Variants in C8orf34 observed in about 807,000 individuals in gnomAD.
The protein encoded by C8orf34 is uncharacterized protein C8orf34.
In C8orf34, 65 loss-of-function variants were observed where a neutral mutation model predicts 68.3. That is an observed-to-expected ratio of 0.95 (90% confidence interval 0.78 to 1.17). The LOEUF (loss-of-function observed/expected upper bound fraction) is 1.17, where lower values mean the gene tolerates loss of function less well. C8orf34 is among the 50% of genes most tolerant of loss of function. C8orf34 has a pLI of 0.00. For synonymous variants in C8orf34, 244 were observed against 241.2 expected, an observed-to-expected ratio of 1.01 and a Z score of -0.11; for missense variants, 664 against 655.4, an observed-to-expected ratio of 1.01 and a Z score of -0.14.
chr8:68,465,940 TTAAAG>T, intron 3 of C8orf34, among the ~76,000 whole-genome samples: 1 of 147,964 alleles, frequency 6.8e-6, no homozygotes, highest in Non-Finnish European at 1.5e-5. Context: ...ACCCTAAAAC[TTAAAG>T]TATAATAAAA....
intron 7 of C8orf34, among the ~76,000 whole-genome samples, chr8:68,592,411 T>C (rs1817417438): frequency 6.6e-6 from 1 of 152,008 alleles, no homozygotes; most frequent in Non-Finnish European, 1.5e-5. Flanking sequence ...ATTGTGATTG[T>C]ATCTTATTTT....
chr8:68,404,925 G>A (rs1352039328), intron 1 of C8orf34, among the ~76,000 whole-genome samples: 2 of 152,038 alleles, frequency 1.3e-5, no homozygotes, highest in Non-Finnish European at 2.9e-5. Context: ...TAACTTGATG[G>A]GGATAGCATT....
chr8:68,461,862 G>A (rs1406847368), intron 3 of C8orf34, among the ~76,000 whole-genome samples: 1 of 152,106 alleles, frequency 6.6e-6, no homozygotes, highest in Non-Finnish European at 1.5e-5. Flanking sequence ...GACCATCAAG[G>A]CTAGGAAGAA....
intron 10 of C8orf34, among the ~76,000 whole-genome samples, chr8:68,773,420 G>C (rs1426199984): frequency 6.6e-6 from 1 of 151,300 alleles, no homozygotes. Context: ...TTTTCTTCTG[G>C]GACGGAGTCT....
At chr8:68,583,670 C>T (rs139876361) in intron 7 of C8orf34, among the ~76,000 whole-genome samples, 417 of 152,254 alleles carry the variant, frequency 2.7e-3, no homozygotes, top group African/African-American at 9.5e-3. Flanking sequence ...TGTAAATCTA[C>T]ACTCATGTCA....
chr8:68,524,699 C>A (rs1183941238), intron 6 of C8orf34, among the ~76,000 whole-genome samples: 1 of 152,162 alleles, frequency 6.6e-6, no homozygotes, highest in African/African-American at 2.4e-5. Context: ...CATATACATT[C>A]ATTGCACATT....
chr8:68,336,077 A>T (rs1314942283), intron 1 of C8orf34, among the ~76,000 whole-genome samples: 2 of 151,628 alleles, frequency 1.3e-5, no homozygotes, highest in Non-Finnish European at 2.9e-5. Flanking sequence ...ACAGAGGGAG[A>T]CCCCATTACA....
intron 1 of C8orf34, among the ~76,000 whole-genome samples, chr8:68,394,499 T>C (rs1165021104): frequency 2.0e-5 from 3 of 148,114 alleles, no homozygotes; most frequent in Admixed American, 6.8e-5. Flanking sequence ...TGTTGGACAT[T>C]TGGGTTGGTT....
chr8:68,470,024 C>T (rs1315661481), intron 4 of C8orf34, among the ~76,000 whole-genome samples: 2 of 151,682 alleles, frequency 1.3e-5, no homozygotes, highest in Non-Finnish European at 2.9e-5. Flanking sequence ...GTGCAGTGAA[C>T]CCCTTTCAGA....
chr8:68,753,961 A>C (rs2129527728), intron 10 of C8orf34, among the ~76,000 whole-genome samples: 1 of 152,286 alleles, frequency 6.6e-6, no homozygotes, highest in East Asian at 1.9e-4. Context: ...GGAGAGGTCA[A>C]GTCATGCTCT....
At chr8:68,650,663 T>C (rs976868264) in intron 8 of C8orf34, among the ~76,000 whole-genome samples, 1 of 151,944 alleles carries the variant, frequency 6.6e-6, no homozygotes, top group Non-Finnish European at 1.5e-5. Flanking sequence ...GTATTTTTAG[T>C]AGAGATGGGG....
chr8:68,386,817 G>A (rs913399592), intron 1 of C8orf34, among the ~76,000 whole-genome samples: 36 of 151,898 alleles, frequency 2.4e-4, no homozygotes, highest in African/African-American at 4.8e-5. Flanking sequence ...AGCTGTCCTG[G>A]GCACTGTAGG....
chr8:68,548,473 A>G (rs1022395802), intron 7 of C8orf34, among the ~76,000 whole-genome samples: 3 of 151,842 alleles, frequency 2.0e-5, no homozygotes, highest in Non-Finnish European at 3.0e-5. Context: ...AATTAAAACA[A>G]CATTGAGATG....
intron 3 of C8orf34, chr8:68,447,985 A>G (rs1433256314): frequency 6.6e-6 from 1 of 152,248 alleles, no homozygotes; most frequent in Non-Finnish European, 1.5e-5. Context: ...AATGATAAAA[A>G]TGAATAAAGG....
intron 7 of C8orf34, among the ~76,000 whole-genome samples, chr8:68,573,492 A>G (rs551949639): frequency 6.6e-6 from 1 of 152,154 alleles, no homozygotes; most frequent in African/African-American, 2.4e-5. Context: ...AGTTGTCCCA[A>G]TGGATCTGCA....
rs183343896 is a variant in C8orf34, at chr8:68,539,688, A to G, written c.1105+6539A>G. On this transcript the variant is annotated intron_variant, in intron 7 of 13. Transcript: ENST00000518698. The stretch of plus-strand genomic sequence containing the variant: ...CCAACATGGCAAAAATCCCATCTCT[A>G]CTAAAAATACAAAAAATTAGCCAGG... Among the ~76,000 whole-genome samples, 487 of 152,078 alleles carry G rather than the reference A, an allele frequency of 3.2e-3. 1 individual carries two copies. Among genetic ancestry groups the G allele is most frequent in the African/African-American group, 0.011 (475 of 41,494 alleles).
In C8orf34 at chr8:68,547,486, C is replaced by T. The variant is rs539379019; in HGVS notation, c.1105+14337C>T. Among the ~76,000 whole-genome samples, 3 of 151,748 alleles carry T rather than the reference C, an allele frequency of 2.0e-5. No homozygotes were observed. The South Asian group carries it at 6.2e-4, about 31-fold the overall frequency. On this transcript the variant is annotated intron_variant, in intron 7 of 13. Transcript: ENST00000518698. ...GAAATAATGCCAAATGTAACAAATT[C>T]TTTCAGAAAATAGAACAGAGGGAAC... is the stretch of plus-strand genomic sequence containing the variant.
intron 5 of C8orf34, among the ~76,000 whole-genome samples, chr8:68,493,963 A>G (rs940594411): frequency 6.6e-6 from 1 of 152,240 alleles, no homozygotes; most frequent in Non-Finnish European, 1.5e-5. Flanking sequence ...TTATTTTGTT[A>G]TAGCAGCAGG....
At chr8:68,340,411 C>T (rs1806022756) in intron 1 of C8orf34, among the ~76,000 whole-genome samples, 1 of 151,898 alleles carries the variant, frequency 6.6e-6, no homozygotes, top group Admixed American at 6.6e-5. Context: ...AATTTATTTT[C>T]TGAAAGATTA....
Sources: allele counts gnomAD v4.1 joint callset (sites outside exome capture counted in the v4.1 genomes callset), GRCh38; gene constraint gnomAD v4.1.1; transcripts MANE v1.5; gene names NCBI Gene and HGNC (gene_info 2026-07-23, HGNC 2026-07-21).